SPMAP2L: variants seen among roughly 807,000 people sequenced by gnomAD.
SPMAP2L encodes sperm microtubule associated protein 2 like.
chr4:56,559,602 C>G, the SPMAP2L span: 1 of 1,322,944 alleles, frequency 7.6e-7, no homozygotes. Context: ...GAGTCTCACA[C>G]TGTCACCTAG....
chr4:56,552,586 C>A, the SPMAP2L span: 2 of 1,527,364 alleles, frequency 1.3e-6, no homozygotes, highest in East Asian at 2.4e-5. Flanking sequence ...TCTTTCAAAG[C>A]CTAAAAAGCA....
the SPMAP2L span, among the ~76,000 whole-genome samples, chr4:56,578,689 A>C: frequency 6.6e-6 from 1 of 152,182 alleles, no homozygotes; most frequent in African/African-American, 2.4e-5. Context: ...AAAGACCTGG[A>C]TTGGCCATAC....
chr4:56,605,483 G>A, the SPMAP2L span, among the ~76,000 whole-genome samples: 3 of 152,058 alleles, frequency 2.0e-5, no homozygotes, highest in African/African-American at 7.3e-5. Flanking sequence ...GTGAGAGAAG[G>A]CTTCTCTAAT....
At chr4:56,601,060 C>G in the SPMAP2L span, 1 of 1,535,312 alleles carries the variant, frequency 6.5e-7, no homozygotes, top group South Asian at 1.2e-5. Flanking sequence ...TGCTACTACT[C>G]ATTCCAAAGC....
chr4:56,619,875 A>C, the SPMAP2L span, among the ~76,000 whole-genome samples: 4 of 142,686 alleles, frequency 2.8e-5, no homozygotes, highest in South Asian at 9.3e-4. Flanking sequence ...TACTAAAAAA[A>C]CAAAAACAAA....
At chr4:56,577,586 A>AAAATAAAT in the SPMAP2L span, among the ~76,000 whole-genome samples, 1 of 152,078 alleles carries the variant, frequency 6.6e-6, no homozygotes, top group African/African-American at 2.4e-5. Context: ...ACTCTGTCTC[A>AAAATAAAT]AAATAAATAA....
At chr4:56,558,126 G>A in the SPMAP2L span, among the ~76,000 whole-genome samples, 1,217 of 152,120 alleles carry the variant, frequency 8.0e-3, 18 homozygotes, top group African/African-American at 0.028. Context: ...CCACCATCAT[G>A]CCCGGCTAAT....
At chr4:56,599,115 C>A in the SPMAP2L span, among the ~76,000 whole-genome samples, 2 of 149,252 alleles carry the variant, frequency 1.3e-5, no homozygotes, top group African/African-American at 4.9e-5. Context: ...TCAGATATTT[C>A]TTCATAGCAG....
chr4:56,593,623 G>A, the SPMAP2L span: 1 of 1,603,970 alleles, frequency 6.2e-7, no homozygotes, highest in Non-Finnish European at 8.5e-7. Flanking sequence ...GATTTGGAGT[G>A]CCACTGGGCT....
the SPMAP2L span, among the ~76,000 whole-genome samples, chr4:56,573,837 C>T: frequency 2.6e-5 from 4 of 151,030 alleles, no homozygotes; most frequent in East Asian, 2.0e-4. Flanking sequence ...TGGGTGGTCG[C>T]GAGCAAGGGG....
At chr4:56,622,022 C>T in the SPMAP2L span, among the ~76,000 whole-genome samples, 2 of 152,082 alleles carry the variant, frequency 1.3e-5, no homozygotes, top group African/African-American at 4.8e-5. Context: ...ATTGGCTCAT[C>T]AAGTTTTTAA....
the SPMAP2L span, among the ~76,000 whole-genome samples, chr4:56,557,018 G>T: frequency 6.6e-6 from 1 of 151,560 alleles, no homozygotes; most frequent in African/African-American, 2.4e-5. Context: ...AGAGGCCAAG[G>T]CGGGTAGATC....
the SPMAP2L span, chr4:56,584,588 C>A: frequency 6.5e-7 from 1 of 1,535,102 alleles, no homozygotes. Flanking sequence ...AGGCACAGAC[C>A]CAAACTATCA....
At chr4:56,584,544 C>T in the SPMAP2L span, 2 of 1,535,350 alleles carry the variant, frequency 1.3e-6, no homozygotes, top group Non-Finnish European at 1.7e-6. Flanking sequence ...ATCTCTGATC[C>T]TTCTCCCCGG....
chr4:56,577,148 T>C, the SPMAP2L span, among the ~76,000 whole-genome samples: 1 of 150,380 alleles, frequency 6.6e-6, no homozygotes, highest in Admixed American at 6.6e-5. Flanking sequence ...CTCACGCCTG[T>C]AATCCCAGCA....
the SPMAP2L span, among the ~76,000 whole-genome samples, chr4:56,573,966 T>C: frequency 6.6e-6 from 1 of 152,296 alleles, no homozygotes; most frequent in South Asian, 2.1e-4. Context: ...TGCAGATCTG[T>C]ATCTGTGAAC....
chr4:56,575,546 G>A, the SPMAP2L span: 1 of 1,535,356 alleles, frequency 6.5e-7, no homozygotes, highest in Non-Finnish European at 8.7e-7. Context: ...TCTGTAATTT[G>A]GGAGATCACT....
chr4:56,623,296 G>A, the SPMAP2L span, among the ~76,000 whole-genome samples: 1 of 152,152 alleles, frequency 6.6e-6, no homozygotes, highest in Non-Finnish European at 1.5e-5. Flanking sequence ...GTCTGGGGAT[G>A]ACACAGCTTC....
chr4:56,594,311 A>T, the SPMAP2L span: 1 of 1,530,632 alleles, frequency 6.5e-7, no homozygotes, highest in Non-Finnish European at 9.1e-7. Context: ...TGTTCACAGC[A>T]TGATTCCACT....
Sources: gnomAD v4.1 joint callset for allele counts (sites outside exome capture counted in the v4.1 genomes callset) on GRCh38, gnomAD v4.1.1 for gene constraint, MANE v1.5 for transcripts, NCBI Gene and HGNC (gene_info 2026-07-23, HGNC 2026-07-21) for gene names.